The following PCDH9 variants were observed in gnomAD, a reference collection of about 807,000 sequenced individuals.
PCDH9 encodes the protein protocadherin-9.
In PCDH9, 24 loss-of-function variants were observed where a neutral mutation model predicts 70.6. The ratio of observed to expected loss-of-function variants is 0.34; its 90% CI spans 0.25 to 0.48. The LOEUF is 0.48. Among genes scored for constraint, PCDH9 ranks in the 20% least tolerant of loss-of-function variants. The pLI is 0.99. For synonymous variants in PCDH9, 562 were observed against 558.5 expected, an observed-to-expected ratio of 1.01 and a Z score of -0.09; for missense variants, 1,281 against 1,503.6, an observed-to-expected ratio of 0.85 and a Z score of 2.45.
chr13:66,667,710 C>T (rs2078115627), intron 3 of PCDH9, among the ~76,000 whole-genome samples: 1 of 152,100 alleles, frequency 6.6e-6, no homozygotes, highest in South Asian at 2.1e-4. Context: ...TTTTACTCCC[C>T]TAAATACATA....
At chr13:66,640,600 A>G (rs961909764) in intron 3 of PCDH9, among the ~76,000 whole-genome samples, 1 of 152,074 alleles carries the variant, frequency 6.6e-6, no homozygotes, top group Non-Finnish European at 1.5e-5. Context: ...TATTGCTGAA[A>G]AGGGAAAAGA....
intron 4 of PCDH9, among the ~76,000 whole-genome samples, chr13:66,604,550 T>G (rs2077199721): frequency 6.6e-6 from 1 of 152,040 alleles, no homozygotes; most frequent in African/African-American, 2.4e-5. Flanking sequence ...AATTAGCATA[T>G]CTTTCCTTTG....
chr13:66,562,946 CAT>C (rs146929208), intron 4 of PCDH9, among the ~76,000 whole-genome samples: 6 of 151,188 alleles, frequency 4.0e-5, no homozygotes, highest in Middle Eastern at 3.4e-3. Flanking sequence ...GCTGCACATA[CAT>C]ATATATATAT....
chr13:66,489,423 A>G (rs1157184437), intron 4 of PCDH9, among the ~76,000 whole-genome samples: 1 of 151,892 alleles, frequency 6.6e-6, no homozygotes, highest in African/African-American at 2.4e-5. Flanking sequence ...CAAGCCTCCC[A>G]CCTCAGCTTC....
intron 3 of PCDH9, among the ~76,000 whole-genome samples, chr13:66,696,606 G>A (rs188850050): frequency 2.8e-4 from 43 of 152,058 alleles, no homozygotes; most frequent in African/African-American, 9.4e-4. Context: ...CTTTCTAACA[G>A]CAAAACTGGA....
intron 4 of PCDH9, among the ~76,000 whole-genome samples, chr13:66,471,444 A>C (rs1170636071): frequency 1.3e-5 from 2 of 152,232 alleles, no homozygotes; most frequent in African/African-American, 2.4e-5. Flanking sequence ...AAAGTTGAGA[A>C]TAATGTTAAT....
intron 4 of PCDH9, among the ~76,000 whole-genome samples, chr13:66,524,220 T>C (rs1769724187): frequency 6.6e-6 from 1 of 152,162 alleles, no homozygotes; most frequent in Non-Finnish European, 1.5e-5. Context: ...GTACTTTCTG[T>C]ATGAAAACTG....
chr13:66,688,601 C>T (rs1242941194), intron 3 of PCDH9, among the ~76,000 whole-genome samples: 1 of 152,052 alleles, frequency 6.6e-6, no homozygotes, highest in Non-Finnish European at 1.5e-5. Context: ...GGGAGAGTTA[C>T]CTTCCTTTGT....
chr13:66,916,581 T>C (rs2082561153), intron 2 of PCDH9, among the ~76,000 whole-genome samples: 1 of 151,566 alleles, frequency 6.6e-6, no homozygotes, highest in Non-Finnish European at 1.5e-5. Context: ...TAATAAAATG[T>C]ATGTGAATAC....
intron 4 of PCDH9, among the ~76,000 whole-genome samples, chr13:66,496,990 C>A (rs1189474786): frequency 3.9e-5 from 6 of 152,082 alleles, no homozygotes; most frequent in African/African-American, 9.7e-5. Flanking sequence ...ATTTTCCTCC[C>A]GACCCCTAAA....
chr13:67,207,359 T>G (rs947406105), intron 2 of PCDH9: 1 of 152,168 alleles, frequency 6.6e-6, no homozygotes, highest in African/African-American at 2.4e-5. Flanking sequence ...CGTAAACTAT[T>G]CTCCCCTGAC....
At chr13:66,466,301 A>G (rs1436415810) in intron 4 of PCDH9, among the ~76,000 whole-genome samples, 1 of 152,012 alleles carries the variant, frequency 6.6e-6, no homozygotes, top group Non-Finnish European at 1.5e-5. Flanking sequence ...AATTCAACAA[A>G]TCCATTCTTG....
chr13:67,187,375 G>A (rs1414663509), intron 2 of PCDH9, among the ~76,000 whole-genome samples: 2 of 152,154 alleles, frequency 1.3e-5, no homozygotes, highest in African/African-American at 2.4e-5. Flanking sequence ...CAAAGTGTCC[G>A]CGAATGGATT....
At chr13:67,112,330 T>G (rs2086673498) in intron 2 of PCDH9, among the ~76,000 whole-genome samples, 1 of 152,198 alleles carries the variant, frequency 6.6e-6, no homozygotes, top group Admixed American at 6.5e-5. Flanking sequence ...AGATTGCCAT[T>G]TAATATGTGA....
At chr13:66,437,064 C>A (rs1193039264) in intron 4 of PCDH9, among the ~76,000 whole-genome samples, 1 of 150,980 alleles carries the variant, frequency 6.6e-6, no homozygotes, top group Non-Finnish European at 1.5e-5. Context: ...AAGCAGGAAT[C>A]TAGAATGCCT....
At chr13:66,808,495 C>T (rs1333540074) in intron 3 of PCDH9, among the ~76,000 whole-genome samples, 1 of 149,748 alleles carries the variant, frequency 6.7e-6, no homozygotes, top group Non-Finnish European at 1.5e-5. Context: ...CAAATTATTT[C>T]ACTGCTAAAG....
At chr13:66,465,824 A>G (rs1958504821) in intron 4 of PCDH9, among the ~76,000 whole-genome samples, 1 of 151,942 alleles carries the variant, frequency 6.6e-6, no homozygotes, top group Admixed American at 6.6e-5. Context: ...ATTAGCCAAT[A>G]AAATGTTTTA....
At chr13:66,951,681 C>G (rs1370243685) in intron 2 of PCDH9, among the ~76,000 whole-genome samples, 1 of 152,174 alleles carries the variant, frequency 6.6e-6, no homozygotes, top group African/African-American at 2.4e-5. Context: ...AACACCAAAG[C>G]TAGGTCTCCC....
chr13:66,904,735 T>C (rs1204703776), intron 2 of PCDH9, among the ~76,000 whole-genome samples: 1 of 152,004 alleles, frequency 6.6e-6, no homozygotes, highest in Non-Finnish European at 1.5e-5. Context: ...AGAATTTTAA[T>C]ATATTGTGTT....
Sources: gnomAD v4.1 joint callset for allele counts (sites outside exome capture counted in the v4.1 genomes callset) on GRCh38, gnomAD v4.1.1 for gene constraint, MANE v1.5 for transcripts, NCBI Gene and HGNC (gene_info 2026-07-23, HGNC 2026-07-21) for gene names.